The following ZNF521 variants were observed in gnomAD, a reference collection of about 807,000 sequenced individuals.
ZNF521 encodes LYST-interacting protein 3.
ZNF521 carries 14 observed loss-of-function variants against 105.5 expected under a neutral mutation model. The ratio of observed to expected loss-of-function variants is 0.13; its 90% CI spans 0.09 to 0.21. The LOEUF is 0.21. Among genes scored for constraint, ZNF521 ranks in the 10% least tolerant of loss-of-function variants. The pLI, the probability that ZNF521 is intolerant of heterozygous loss-of-function variation, is 1.00. For missense variants in ZNF521, 1,233 were observed against 1,629.7 expected, an observed-to-expected ratio of 0.76 and a Z score of 4.19; for synonymous variants, 635 against 606.0, an observed-to-expected ratio of 1.05 and a Z score of -0.70.
intron 7 of ZNF521, among the ~76,000 whole-genome samples, chr18:25,065,137 C>A (rs1021484436): frequency 2.0e-5 from 3 of 152,078 alleles, no homozygotes; most frequent in African/African-American, 7.2e-5. Flanking sequence ...CTTCTTATAC[C>A]TTTTGCTATC....
chr18:25,333,320 A>G (rs199776569), intron 2 of ZNF521, among the ~76,000 whole-genome samples: 1 of 120,182 alleles, frequency 8.3e-6, no homozygotes, highest in African/African-American at 3.4e-5. Context: ...CTCTCTATAT[A>G]TATATATATA....
chr18:25,336,661 G>A (rs1274119682), intron 2 of ZNF521, among the ~76,000 whole-genome samples: 4 of 152,192 alleles, frequency 2.6e-5, no homozygotes, highest in Non-Finnish European at 5.9e-5. Context: ...GAAGGTACCT[G>A]TCGTGGCAGA....
At chr18:25,334,323 G>A (rs1295161255) in intron 2 of ZNF521, among the ~76,000 whole-genome samples, 1 of 151,580 alleles carries the variant, frequency 6.6e-6, no homozygotes, top group Non-Finnish European at 1.5e-5. Flanking sequence ...GTGGCCAGTG[G>A]ATTAATTATT....
At chr18:25,201,020 T>A (rs2035983080) in intron 4 of ZNF521, 1 of 151,798 alleles carries the variant, frequency 6.6e-6, no homozygotes, top group Non-Finnish European at 1.5e-5. Flanking sequence ...GAATCTTGGT[T>A]GAAAGCCCAT....
intron 5 of ZNF521, among the ~76,000 whole-genome samples, chr18:25,148,650 C>T (rs2034989857): frequency 6.6e-6 from 1 of 152,040 alleles, no homozygotes; most frequent in South Asian, 2.1e-4. Flanking sequence ...GGGAGGTCTA[C>T]CTGCTGCAAA....
chr18:25,295,022 C>T (rs898762442), intron 3 of ZNF521, among the ~76,000 whole-genome samples: 1 of 151,854 alleles, frequency 6.6e-6, no homozygotes, highest in Non-Finnish European at 1.5e-5. Context: ...TAATTATAAA[C>T]AACACTCATA....
intron 3 of ZNF521, among the ~76,000 whole-genome samples, chr18:25,309,491 T>C (rs1157282951): frequency 2.6e-5 from 4 of 152,254 alleles, no homozygotes; most frequent in African/African-American, 7.2e-5. Context: ...AAGGAGCAAC[T>C]CAAATATGAG....
At chr18:25,333,806 T>C (rs756159349) in intron 2 of ZNF521, among the ~76,000 whole-genome samples, 10 of 152,214 alleles carry the variant, frequency 6.6e-5, no homozygotes, top group Non-Finnish European at 1.3e-4. Flanking sequence ...AATTTGTTTC[T>C]CCTCTATCTG....
rs201292885 is a variant in ZNF521 at position 25,280,585 on chromosome 18, C to G, written c.220+41423G>C. Among the ~76,000 whole-genome samples, 6 of 152,212 alleles carry G rather than the reference C, an allele frequency of 3.9e-5. No homozygotes were observed. In the East Asian group the frequency reaches 1.2e-3, roughly 29 times the overall value. ...GAACTACATGTAGTACCACTGGATT[C>G]TGAAGGACTCCAGGCTTCTTTCAAA... On this transcript the variant is annotated intron_variant, in intron 3 of 7. Transcript: ENST00000361524.
chr18:25,190,811 A>T (rs2035805738), intron 5 of ZNF521, among the ~76,000 whole-genome samples: 1 of 152,222 alleles, frequency 6.6e-6, no homozygotes, highest in South Asian at 2.1e-4. Flanking sequence ...TCAGTGATAT[A>T]TATCATGTGT....
chr18:25,247,050 C>T (rs1600209351), intron 3 of ZNF521, among the ~76,000 whole-genome samples: 3 of 152,200 alleles, frequency 2.0e-5, no homozygotes, highest in Non-Finnish European at 4.4e-5. Flanking sequence ...CAGTCCTGCT[C>T]TTCTGATGCA....
chr18:25,240,076 G>C (rs888289971), intron 3 of ZNF521, among the ~76,000 whole-genome samples: 3 of 152,094 alleles, frequency 2.0e-5, no homozygotes, highest in African/African-American at 7.2e-5. Context: ...AAAGACAAAT[G>C]ATAGTGTAAG....
chr18:25,165,201 G>T (rs185350015), intron 5 of ZNF521, among the ~76,000 whole-genome samples: 6 of 152,296 alleles, frequency 3.9e-5, no homozygotes, highest in African/African-American at 1.4e-4. Flanking sequence ...ATTCAGGTAA[G>T]CAATTCAGCC....
At chr18:25,198,160 T>C (rs1288411461) in intron 4 of ZNF521, among the ~76,000 whole-genome samples, 1 of 151,806 alleles carries the variant, frequency 6.6e-6, no homozygotes, top group Non-Finnish European at 1.5e-5. Context: ...ATGTGCTACT[T>C]GGGAGTGGGA....
At chr18:25,212,538 A>AATATATATATATATATATATATAAAAAT (rs2036208318) in intron 4 of ZNF521, among the ~76,000 whole-genome samples, 1 of 48,132 alleles carries the variant, frequency 2.1e-5, no homozygotes, top group African/African-American at 1.3e-4. Context: ...AAAAAAAAAA[A>AATATATATATATATATATATATAAAAAT]ATATATATAT....
intron 5 of ZNF521, among the ~76,000 whole-genome samples, chr18:25,160,301 T>C (rs893180367): frequency 1.3e-5 from 2 of 152,232 alleles, no homozygotes; most frequent in Non-Finnish European, 2.9e-5. Flanking sequence ...GCCTGTAAGA[T>C]GTTGACCTAG....
At chr18:25,240,028 A>T (rs934721809) in intron 3 of ZNF521, among the ~76,000 whole-genome samples, 1 of 151,732 alleles carries the variant, frequency 6.6e-6, no homozygotes, top group Non-Finnish European at 1.5e-5. Context: ...ACCCATACTT[A>T]TCAGAAGCAG....
At chr18:25,139,278 G>A (rs978311382) in intron 5 of ZNF521, among the ~76,000 whole-genome samples, 1 of 142,260 alleles carries the variant, frequency 7.0e-6, no homozygotes, top group Non-Finnish European at 1.5e-5. Flanking sequence ...GCTAAAGCAG[G>A]AGAATGGCTT....
Position 25,178,447 on chromosome 18 carries a change from T to C in ZNF521, c.3658+16713A>G, listed in dbSNP as rs542741457. On this transcript the variant is annotated intron_variant, in intron 5 of 7. Transcript: ENST00000361524. The stretch of plus-strand genomic sequence containing the variant: ...ATATGAACATAACCACTTGCTACTT[T>C]GCAGAGACGTGAACATTTTTATGCT... Among the ~76,000 whole-genome samples, 5 of 152,366 alleles carry C rather than the reference T, an allele frequency of 3.3e-5. No individual in the cohort carries two copies. In the South Asian group the frequency reaches 1.0e-3, roughly 32 times the overall value.
Sources: gnomAD v4.1 joint callset for allele counts (sites outside exome capture counted in the v4.1 genomes callset) on GRCh38, gnomAD v4.1.1 for gene constraint, MANE v1.5 for transcripts, NCBI Gene and HGNC (gene_info 2026-07-23, HGNC 2026-07-21) for gene names.